MOSPD3: variants seen among roughly 807,000 people sequenced by gnomAD.
MOSPD3 encodes motile sperm domain-containing protein 3.
MOSPD3 carries 20 observed loss-of-function variants against 23.3 expected under a neutral mutation model. That is an observed-to-expected ratio of 0.86 (90% CI 0.61 to 1.25). MOSPD3 has a LOEUF of 1.25. Ranked by LOEUF, MOSPD3 falls within the 50% of genes most tolerant of loss-of-function variation. MOSPD3 has a pLI of 0.00. For synonymous variants in MOSPD3, 136 were observed against 135.2 expected, an observed-to-expected ratio of 1.01 and a Z score of -0.04; for missense variants, 307 against 315.7, an observed-to-expected ratio of 0.97 and a Z score of 0.21.
chr7:100,613,302 G>T, intron 2 of MOSPD3, 33 bp downstream of exon 2: 1 of 1,571,046 alleles, frequency 6.4e-7, no homozygotes, highest in Non-Finnish European at 8.8e-7. Flanking sequence ...GAGGCTTGTG[G>T]AAGCCAGGGG....
chr7:100,615,372 T>A lies in MOSPD3; in HGVS notation c.*189T>A, dbSNP rs1389180562. 8.5e-6 allele frequency: 5 copies of A among 586,622 alleles called. No homozygotes were observed. The Admixed American group carries it at 1.7e-4, about 20-fold the overall frequency. 36.3% of individuals were successfully genotyped at this position (586,622 alleles called of 1,614,324 possible). A position where few individuals can be genotyped will look rare whatever the true frequency, so the allele number is the denominator to read the frequency against. On this transcript the variant is annotated 3_prime_UTR_variant, in exon 5 of 5. Transcript: ENST00000393950. ...AGTTGAATAAAATACATTTTTAAAATGATAATCAGAAATGTAGGGTACTTG... is the reference window on the plus strand; with the variant it reads ...AGTTGAATAAAATACATTTTTAAAAAGATAATCAGAAATGTAGGGTACTTG...
In MOSPD3 at chr7:100,613,718, G is replaced by A; in HGVS notation, c.511+12G>A. On this transcript the variant is annotated intron_variant, in intron 3 of 4. Transcript: ENST00000393950. ...ACACTTCCAGGAGCGTGAGTTGGGA[G>A]ACTGGGATCTTGAGTTCTGTAGGGA... 1 of 1,608,186 alleles carries A rather than the reference G, an allele frequency of 6.2e-7. No individual in the cohort carries two copies. Among genetic ancestry groups the A allele is most frequent in the Non-Finnish European group, 8.5e-7 (1 of 1,178,206 alleles).
At position 100,613,177 on chromosome 7, in the gene MOSPD3, G is replaced by T; in HGVS notation, c.206-17G>T. On this transcript the variant is annotated splice_polypyrimidine_tract_variant and intron_variant, in intron 1 of 4. Transcript: ENST00000393950. ...CCCACATGGCAGGGCTTGTCTGTGT[G>T]TGTCTCTATCCCCCAGTCCTGTGCA... 1.9e-6 allele frequency: 3 copies of T among 1,613,704 alleles called. No individual in the cohort carries two copies. Among genetic ancestry groups the T allele is most frequent in the Non-Finnish European group, 2.5e-6 (3 of 1,179,636 alleles).
At chr7:100,613,983 G>T (rs752010654) in intron 3 of MOSPD3, among the ~76,000 whole-genome samples, 4 of 152,174 alleles carry the variant, frequency 2.6e-5, no homozygotes, top group Non-Finnish European at 5.9e-5. Context: ...TAAGAAACCT[G>T]TATTGAGCAA....
At chr7:100,614,578 G>A (rs963472717) in intron 3 of MOSPD3, among the ~76,000 whole-genome samples, 1 of 152,028 alleles carries the variant, frequency 6.6e-6, no homozygotes, top group African/African-American at 2.4e-5. Context: ...AGGAGTTCAA[G>A]ATCAGCTTGG....
In MOSPD3 at chr7:100,612,856, G is replaced by A. The variant is rs775947023; in HGVS notation, c.65G>A (p.Arg22Gln). 1.1e-5 allele frequency: 18 copies of A among 1,612,094 alleles called. No homozygotes were observed. Among genetic ancestry groups the A allele is most frequent in the Non-Finnish European group, 1.5e-5 (18 of 1,179,574 alleles). The change falls in exon 1 of 5, where the codon CGG (arginine) becomes CAG (glutamine). Residue 22 changes from arginine (R) to glutamine (Q), a missense_variant. Arg to Gln is a conservative substitution (Grantham distance 43). Coordinates refer to ENST00000393950, the MANE Select transcript of MOSPD3 (RefSeq NM_023948.5). ...VGPGPPGRGS[R>Q]GAPPPLGPVV... ...CCGGGGCCCCCTGGGCGGGGGTCCCGGGGCGCCCCTCCTCCCTTGGGACCC... is the reference window on the plus strand; with the variant it reads ...CCGGGGCCCCCTGGGCGGGGGTCCCAGGGCGCCCCTCCTCCCTTGGGACCC...
intron 4 of MOSPD3, 44 bp downstream of exon 4, chr7:100,615,075 G>A (rs1802957438): frequency 1.2e-6 from 2 of 1,614,010 alleles, no homozygotes. Context: ...AGGAAAAAGG[G>A]AGAAGGGACG....
At position 100,612,546 on chromosome 7, in the gene MOSPD3, G is replaced by T. The variant is rs1193448992; in HGVS notation, c.-246G>T. ...CGGGTTTAGCGGGGTGGGCGTGGCC[G>T]TCGAGGTGGGGCTCGGCGGGTCCGA... is the stretch of plus-strand genomic sequence containing the variant. On this transcript the variant is annotated 5_prime_UTR_variant, in exon 1 of 5. Transcript: ENST00000393950. The T allele has an allele frequency of 7.2e-6, 3 of 416,972 alleles. No homozygotes were observed. The highest frequency in any genetic ancestry group is 7.6e-5 in the East Asian group (2 of 26,182). 25.8% of individuals were successfully genotyped at this position (416,972 alleles called of 1,614,324 possible). A position where few individuals can be genotyped will look rare whatever the true frequency, so the allele number is the denominator to read the frequency against.
At chr7:100,613,933 C>A (rs7812123) in intron 3 of MOSPD3, 103,717 of 586,972 alleles carry the variant, frequency 0.18, 10,068 homozygotes, top group Non-Finnish European at 0.2. Flanking sequence ...TGACTGTAAC[C>A]GCAGTACTTC....
Position 100,613,259 on chromosome 7 carries a change from T to C in MOSPD3, c.271T>C (p.Cys91Arg). 6.2e-7 allele frequency: 1 copy of C among 1,613,946 alleles called. No homozygotes were observed. The highest frequency in any genetic ancestry group is 8.5e-7 in the Non-Finnish European group (1 of 1,179,952). ...DAEGYVKPQS[C>R]IDIVIRHVAP... is the part of the protein sequence containing the mutation. The stretch of plus-strand genomic sequence containing the variant: ...AGAGGGATATGTGAAGCCCCAGTCT[T>C]GCATTGACATGTGAGTGAGCTGGGA... The change falls in exon 2 of 5, where the codon TGC becomes CGC. Residue 91 changes from cysteine (C) to arginine (R), a missense_variant. Cys to Arg is a radical substitution (Grantham distance 180). Transcript: ENST00000393950.
chr7:100,612,719 A>C lies in MOSPD3; in HGVS notation c.-73A>C, dbSNP rs771311048. 8 of 1,240,296 alleles carry C rather than the reference A, an allele frequency of 6.5e-6. No individual in the cohort carries two copies. The African/African-American group carries it at 1.2e-4, about 19-fold the overall frequency. The allele number at this position is 1,240,296 out of a possible 1,614,324, so 76.8% of individuals were successfully genotyped here. ...CTCATCTTGTCCCCTTTCGCCCCTCACGCCCCCCAGCTCTGACTCCAGGCC... is the reference window on the plus strand; with the variant it reads ...CTCATCTTGTCCCCTTTCGCCCCTCCCGCCCCCCAGCTCTGACTCCAGGCC... On this transcript the variant is annotated 5_prime_UTR_variant, in exon 1 of 5. Coordinates refer to ENST00000393950, the MANE Select transcript of MOSPD3 (RefSeq NM_023948.5).
chr7:100,613,223 G>T lies in MOSPD3; in HGVS notation c.235G>T (p.Val79Leu), dbSNP rs1211375170. 6.2e-7 allele frequency: 1 copy of T among 1,614,092 alleles called. No individual in the cohort carries two copies. Among genetic ancestry groups the T allele is most frequent in the Admixed American group, 1.7e-5 (1 of 60,008 alleles). Residue 79 changes from valine (V) to leucine (L), a missense_variant, in exon 2 of 5, where the codon GTG (valine) becomes TTG (leucine). Val to Leu is a conservative substitution (Grantham distance 32, BLOSUM62 1). Coordinates refer to ENST00000393950, the MANE Select transcript of MOSPD3 (RefSeq NM_023948.5). ...GTGCACAGCACCTGCCAAATACACG[G>T]TGTTTGACGCAGAGGGATATGTGAA... is the stretch of plus-strand genomic sequence containing the variant. ...VLCTAPAKYT[V>L]FDAEGYVKPQ... is the part of the protein sequence containing the mutation.
Position 100,615,270 on chromosome 7 carries a change from C to G in MOSPD3, c.*87C>G. The G allele has an allele frequency of 7.8e-7, 1 of 1,287,612 alleles. No individual in the cohort carries two copies. Among genetic ancestry groups the G allele is most frequent in the Admixed American group, 2.1e-5 (1 of 48,184 alleles). 79.8% of individuals were successfully genotyped at this position (1,287,612 alleles called of 1,614,324 possible). Reference sequence around the variant, plus strand: ...GTGATGCTCATACCTTACCTTGCCTCCTACCCTCTTCTCTTTCCTGCCTAC... The same window carrying G: ...GTGATGCTCATACCTTACCTTGCCTGCTACCCTCTTCTCTTTCCTGCCTAC... On this transcript the variant is annotated 3_prime_UTR_variant, in exon 5 of 5. Coordinates refer to ENST00000393950, the MANE Select transcript of MOSPD3 (RefSeq NM_023948.5).
intron 2 of MOSPD3, 67 bp from the exon 3 acceptor site, chr7:100,613,410 A>G: frequency 6.4e-7 from 1 of 1,562,068 alleles, no homozygotes; most frequent in Non-Finnish European, 8.8e-7. Context: ...TTCTGGGGGG[A>G]GGCCCAGATT....
Position 100,612,679 on chromosome 7 carries a change from G to A in MOSPD3, c.-113G>A. The A allele has an allele frequency of 1.3e-6, 1 of 783,252 alleles. No homozygotes were observed. Among genetic ancestry groups the A allele is most frequent in the Non-Finnish European group, 2.0e-6 (1 of 502,104 alleles). The allele number at this position is 783,252 out of a possible 1,614,324, so 48.5% of individuals were successfully genotyped here. On this transcript the variant is annotated 5_prime_UTR_variant, in exon 1 of 5. Transcript: ENST00000393950. ...CAAGGCGGCGGCGGCATCAGTCGAG[G>A]CCCTGCTCCGGGAGCTCATCTTGTC...
chr7:100,613,392 G>GGA, intron 2 of MOSPD3, 85 bp from the exon 3 acceptor site: 1 of 1,556,696 alleles, frequency 6.4e-7, no homozygotes, highest in Non-Finnish European at 8.9e-7. Flanking sequence ...TGCCCCTAAG[G>GGA]GAGAGACTTC....
chr7:100,613,712 T>C lies in MOSPD3; in HGVS notation c.511+6T>C. ...GGCCAGACACTTCCAGGAGCGTGAG[T>C]TGGGAGACTGGGATCTTGAGTTCTG... On this transcript the variant is annotated splice_donor_region_variant and intron_variant, in intron 3 of 4. Coordinates refer to ENST00000393950, the MANE Select transcript of MOSPD3 (RefSeq NM_023948.5). The C allele has an allele frequency of 6.2e-7, 1 of 1,609,790 alleles. No individual in the cohort carries two copies. Among genetic ancestry groups the C allele is most frequent in the Admixed American group, 1.7e-5 (1 of 60,000 alleles).
At chr7:100,615,099 CAG>C (rs1438829028) in intron 4 of MOSPD3, 51 bp from the exon 5 acceptor site, 1 of 1,614,072 alleles carries the variant, frequency 6.2e-7, no homozygotes, top group Non-Finnish European at 8.5e-7. Flanking sequence ...GGAGAGCTAA[CAG>C]AGCCCCAGGG....
Position 100,612,826 on chromosome 7 carries a change from T to G in MOSPD3, c.35T>G (p.Val12Gly). 3 of 1,604,780 alleles carry G rather than the reference T, an allele frequency of 1.9e-6. No homozygotes were observed. The highest frequency in any genetic ancestry group is 2.5e-6 in the Non-Finnish European group (3 of 1,177,416). The change falls in exon 1 of 5, where the codon GTG (valine) becomes GGG (glycine). Residue 12 changes from valine (V) to glycine (G), a missense_variant. Physicochemically the swap from Val to Gly is moderately radical, Grantham distance 109. Transcript: ENST00000393950. ...RRGAPQDQEL[V>G]GPGPPGRGSR... The stretch of plus-strand genomic sequence containing the variant: ...GGGGCGCCCCAGGACCAGGAGCTGG[T>G]GGGTCCGGGGCCCCCTGGGCGGGGG...
Sources: gnomAD v4.1 joint callset for allele counts (sites outside exome capture counted in the v4.1 genomes callset) on GRCh38, gnomAD v4.1.1 for gene constraint, MANE v1.5 for transcripts, NCBI Gene and HGNC (gene_info 2026-07-23, HGNC 2026-07-21) for gene names.